FARS2: variants seen among roughly 807,000 people sequenced by gnomAD.
FARS2 encodes phenylalanine--tRNA ligase, mitochondrial.
In FARS2, 40 loss-of-function variants were observed where a neutral mutation model predicts 46.4. The ratio of observed to expected loss-of-function variants is 0.86; its 90% CI spans 0.67 to 1.12. The LOEUF (loss-of-function observed/expected upper bound fraction) is 1.12. FARS2 is among the 50% of genes most tolerant of loss of function. The pLI is 0.00. For missense variants in FARS2, 513 were observed against 567.9 expected (o/e 0.90, Z 0.98); for synonymous variants, 234 against 214.9 (o/e 1.09, Z -0.78).
At chr6:5,663,657 A>C (rs1011542389) in intron 6 of FARS2, among the ~76,000 whole-genome samples, 2 of 152,222 alleles carry the variant, frequency 1.3e-5, no homozygotes, top group Non-Finnish European at 2.9e-5. Context: ...GTTGGTGTGG[A>C]AGAAGGGGTG....
intron 4 of FARS2, among the ~76,000 whole-genome samples, chr6:5,518,718 G>T (rs1768959645): frequency 1.3e-5 from 2 of 152,106 alleles, no homozygotes; most frequent in African/African-American, 4.8e-5. Flanking sequence ...AGTAATGTGA[G>T]TGTTGGCATC....
At chr6:5,342,819 A>G (rs1414717086) in intron 1 of FARS2, among the ~76,000 whole-genome samples, 2 of 152,128 alleles carry the variant, frequency 1.3e-5, no homozygotes, top group Non-Finnish European at 2.9e-5. Context: ...TGAAAATTAA[A>G]CATATCCCAA....
intron 1 of FARS2, among the ~76,000 whole-genome samples, chr6:5,302,000 T>C (rs1007521653): frequency 3.3e-5 from 5 of 152,194 alleles, no homozygotes; most frequent in African/African-American, 7.2e-5. Context: ...GAGCTCCTTA[T>C]GTTGTTGGTC....
At chr6:5,436,225 C>T (rs189147446) in intron 4 of FARS2, among the ~76,000 whole-genome samples, 2 of 152,244 alleles carry the variant, frequency 1.3e-5, no homozygotes, top group Non-Finnish European at 2.9e-5. Context: ...AATGTGCATC[C>T]CAGAGTTAGT....
At chr6:5,605,109 T>C (rs1446886631) in intron 5 of FARS2, among the ~76,000 whole-genome samples, 1 of 152,022 alleles carries the variant, frequency 6.6e-6, no homozygotes, top group Non-Finnish European at 1.5e-5. Flanking sequence ...CAGTGACAGA[T>C]CAAAATCTAA....
chr6:5,611,964 A>T (rs1775213371), intron 5 of FARS2, among the ~76,000 whole-genome samples: 1 of 152,220 alleles, frequency 6.6e-6, no homozygotes, highest in Admixed American at 6.5e-5. Context: ...AAAAGGGAAA[A>T]CAACCTGTGT....
intron 4 of FARS2, among the ~76,000 whole-genome samples, chr6:5,444,921 G>C (rs1301852678): frequency 6.6e-6 from 1 of 152,214 alleles, no homozygotes; most frequent in Non-Finnish European, 1.5e-5. Context: ...CTCCAGTCAG[G>C]CCTGGCCACC....
At chr6:5,627,080 T>G (rs1776071704) in intron 6 of FARS2, among the ~76,000 whole-genome samples, 1 of 152,268 alleles carries the variant, frequency 6.6e-6, no homozygotes, top group African/African-American at 2.4e-5. Flanking sequence ...ATGAGTAATG[T>G]GTTGCTCTGT....
chr6:5,695,579 A>G (rs1440282659), intron 6 of FARS2, among the ~76,000 whole-genome samples: 1 of 152,226 alleles, frequency 6.6e-6, no homozygotes, highest in Non-Finnish European at 1.5e-5. Context: ...TCCCAATTTT[A>G]CAGATGAGGA....
At chr6:5,465,867 T>C (rs1221640171) in intron 4 of FARS2, among the ~76,000 whole-genome samples, 1 of 152,120 alleles carries the variant, frequency 6.6e-6, no homozygotes, top group Non-Finnish European at 1.5e-5. Flanking sequence ...ATACTTTTTT[T>C]GAAAAAAAGA....
chr6:5,563,822 C>A (rs1772157153), intron 5 of FARS2, among the ~76,000 whole-genome samples: 1 of 152,102 alleles, frequency 6.6e-6, no homozygotes. Context: ...AAGGGGTTAA[C>A]CAATTCCATA....
intron 5 of FARS2, among the ~76,000 whole-genome samples, chr6:5,577,480 A>T (rs1773054608): frequency 6.6e-6 from 1 of 152,220 alleles, no homozygotes; most frequent in South Asian, 2.1e-4. Flanking sequence ...ACTCCATTAA[A>T]AGGAAGCAGG....
chr6:5,348,053 T>C (rs1313701783), intron 1 of FARS2, among the ~76,000 whole-genome samples: 12 of 152,204 alleles, frequency 7.9e-5, no homozygotes. Context: ...GATTGTTGAG[T>C]TGTAGGAATT....
rs150545718 is a variant in FARS2, at chr6:5,651,359, C to G, written c.1217+38039C>G. 4.2e-4 allele frequency among the ~76,000 whole-genome samples: 64 copies of G among 152,298 alleles called. 1 individual carries two copies. The East Asian group carries it at 0.01, about 25-fold the overall frequency. ...AAATGTGTTTGAGGAGCAGAACCCT[C>G]GATTTTCTCCTCACTGACGTGTAGC... On this transcript the variant is annotated intron_variant, in intron 6 of 6. Coordinates refer to ENST00000274680, the MANE Select transcript of FARS2 (RefSeq NM_006567.5).
At chr6:5,328,215 A>C (rs945761155) in intron 1 of FARS2, among the ~76,000 whole-genome samples, 10 of 152,272 alleles carry the variant, frequency 6.6e-5, no homozygotes, top group African/African-American at 1.7e-4. Flanking sequence ...AATTAGGAAA[A>C]TATTTTAATT....
chr6:5,296,424 C>A (rs139946912), intron 1 of FARS2, among the ~76,000 whole-genome samples: 5,699 of 152,118 alleles, frequency 0.037, 352 homozygotes, highest in African/African-American at 0.13. Flanking sequence ...TACAGGCGTG[C>A]GCCACTGTGC....
chr6:5,560,291 AT>A (rs1476255884), intron 5 of FARS2, among the ~76,000 whole-genome samples: 1 of 152,120 alleles, frequency 6.6e-6, no homozygotes, highest in African/African-American at 2.4e-5. Flanking sequence ...GAATGCTAAA[AT>A]TTATTAAATC....
At chr6:5,562,069 A>G (rs1040541612) in intron 5 of FARS2, among the ~76,000 whole-genome samples, 2 of 152,102 alleles carry the variant, frequency 1.3e-5, no homozygotes, top group Non-Finnish European at 1.5e-5. Context: ...CTTGTTTTAA[A>G]GCCTTTAGCT....
intron 6 of FARS2, among the ~76,000 whole-genome samples, chr6:5,717,351 A>ATATG (rs143500766): frequency 7.1e-6 from 1 of 141,636 alleles, no homozygotes; most frequent in Admixed American, 7.1e-5. Context: ...AGATATGTAT[A>ATATG]TGTGTGTGTG....
Sources: allele counts gnomAD v4.1 joint callset (sites outside exome capture counted in the v4.1 genomes callset), GRCh38; gene constraint gnomAD v4.1.1; transcripts MANE v1.5; gene names NCBI Gene and HGNC (gene_info 2026-07-23, HGNC 2026-07-21).